The following ABCC5 variants were observed in gnomAD, a reference collection of about 807,000 sequenced individuals.
ABCC5 encodes ATP-binding cassette sub-family C member 5.
A neutral mutation model predicts 160.9 loss-of-function variants in ABCC5; 61 were observed. The observed-to-expected ratio is 0.38, with a 90% CI of 0.31 to 0.47. ABCC5 has a LOEUF of 0.47. ABCC5 is among the 20% of genes least tolerant of loss of function. The probability of loss-of-function intolerance (pLI) is 0.99; values close to 1 mark genes in which losing one functional copy is unlikely to be tolerated. For missense variants in ABCC5, 1,308 were observed against 1,813.3 expected, an observed-to-expected ratio of 0.72 and a Z score of 5.06; for synonymous variants, 666 against 700.6, an observed-to-expected ratio of 0.95 and a Z score of 0.78.
chr3:183,953,247 T>C lies in ABCC5; in HGVS notation c.2506A>G (p.Lys836Glu). ...GACCAGGGCACTGAACCCTGCCCTT[T>C]CTCTTCCAGCTGCACAAGCTGCCCT... ...EEGQLVQLEEKGQGSVPWSVY... is the reference protein window; with the variant it reads ...EEGQLVQLEEEGQGSVPWSVY... Residue 836 changes from lysine (K) to glutamate (E), a missense_variant, in exon 18 of 30, where the codon AAA becomes GAA. Lys to Glu is a moderately conservative substitution (Grantham distance 56). Around this residue, in one of 3 missense-constraint regions of ABCC5, gnomAD observed 1,142 missense variants for 1,527.1 expected, o/e 0.75. Coordinates refer to ENST00000334444, the MANE Select transcript of ABCC5 (RefSeq NM_005688.4). The C allele has an allele frequency of 1.2e-6, 2 of 1,610,438 alleles. No homozygotes were observed.
intron 26 of ABCC5, among the ~76,000 whole-genome samples, chr3:183,935,401 G>A (rs1163246042): frequency 6.8e-6 from 1 of 146,270 alleles, no homozygotes; most frequent in East Asian, 2.1e-4. Flanking sequence ...AGGCTGGTCT[G>A]GTACTCCTGA....
intron 5 of ABCC5, chr3:183,985,172 C>G: frequency 1.1e-6 from 1 of 889,656 alleles, no homozygotes; most frequent in Non-Finnish European, 1.7e-6. Context: ...CATGAAAAAT[C>G]CAACCAAAAT....
At chr3:184,011,742 C>G (rs1721762386) in intron 2 of ABCC5, among the ~76,000 whole-genome samples, 1 of 152,072 alleles carries the variant, frequency 6.6e-6, no homozygotes, top group African/African-American at 2.4e-5. Flanking sequence ...TATTGATGCA[C>G]ACAACAAAAT....
chr3:183,967,146 C>G (rs1460226542), intron 12 of ABCC5, among the ~76,000 whole-genome samples: 2 of 152,040 alleles, frequency 1.3e-5, no homozygotes, highest in East Asian at 3.9e-4. Context: ...GCTGTTCACT[C>G]CCTGCCTGGA....
intron 11 of ABCC5, 78 bp downstream of exon 11, chr3:183,971,485 A>C: frequency 7.3e-7 from 1 of 1,376,902 alleles, no homozygotes; most frequent in Non-Finnish European, 1.0e-6. Flanking sequence ...TGTGAAAAGG[A>C]ACAGCAGCCG....
intron 23 of ABCC5, among the ~76,000 whole-genome samples, chr3:183,946,848 G>C (rs1266069199): frequency 1.3e-5 from 2 of 152,040 alleles, no homozygotes; most frequent in Non-Finnish European, 2.9e-5. Flanking sequence ...ACTATTCTCT[G>C]AGCTATTTGA....
At chr3:183,957,870 A>T (rs1349981575) in intron 17 of ABCC5, among the ~76,000 whole-genome samples, 7 of 119,436 alleles carry the variant, frequency 5.9e-5, no homozygotes, top group African/African-American at 2.2e-4. Context: ...CATCTGTTAC[A>T]TGCGGATCCG....
intron 2 of ABCC5, among the ~76,000 whole-genome samples, chr3:183,996,103 G>A (rs146272630): frequency 5.9e-5 from 9 of 152,218 alleles, no homozygotes; most frequent in East Asian, 1.9e-4. Context: ...CACCGTGTCC[G>A]GCCAGAAGGG....
rs1281089292 is a variant in ABCC5, at chr3:183,921,553, AT to A, written c.4213-153del. On this transcript the variant is annotated intron_variant, in intron 29 of 29. Coordinates refer to ENST00000334444, the MANE Select transcript of ABCC5 (RefSeq NM_005688.4). The surrounding 1 kb of genome is among the most constrained non-coding windows in gnomAD (Gnocchi z 4.1). ...CGTGCACCTCCCCCCTTATTTTTTT[AT>A]TTTCAACTATCCAGGGAGTAAGGGA... 7 of 494,172 alleles carry A rather than the reference AT, an allele frequency of 1.4e-5. No homozygotes were observed. The South Asian group carries it at 2.5e-4, about 18-fold the overall frequency. 30.6% of individuals were successfully genotyped at this position (494,172 alleles called of 1,614,324 possible).
intron 2 of ABCC5, among the ~76,000 whole-genome samples, chr3:183,994,956 C>T (rs1279867537): frequency 6.6e-6 from 1 of 150,748 alleles, no homozygotes; most frequent in Non-Finnish European, 1.5e-5. Flanking sequence ...CTCCCAGGCT[C>T]AAGTGATCCT....
At chr3:183,952,078 C>G (rs1715412485) in intron 18 of ABCC5, 75 bp from the exon 19 acceptor site, 2 of 1,526,528 alleles carry the variant, frequency 1.3e-6, no homozygotes, top group Admixed American at 3.4e-5. Context: ...CCATTCTCAG[C>G]TCAAGGGCAG....
At chr3:183,989,801 C>CT (rs1719581768) in intron 2 of ABCC5, among the ~76,000 whole-genome samples, 1 of 151,956 alleles carries the variant, frequency 6.6e-6, no homozygotes, top group African/African-American at 2.4e-5. Context: ...AGGGTCCGCT[C>CT]TTTGTTTTTT....
At chr3:183,973,240 G>C (rs1464467642) in intron 10 of ABCC5, among the ~76,000 whole-genome samples, 2 of 151,002 alleles carry the variant, frequency 1.3e-5, no homozygotes, top group Non-Finnish European at 3.0e-5. Flanking sequence ...ATTTTTAGTA[G>C]AGACAGGGTT....
intron 2 of ABCC5, among the ~76,000 whole-genome samples, chr3:184,000,337 T>C (rs1720646719): frequency 6.6e-6 from 1 of 152,100 alleles, no homozygotes; most frequent in South Asian, 2.1e-4. Flanking sequence ...AGTGAGACCC[T>C]GTCTCTAAAT....
intron 26 of ABCC5, among the ~76,000 whole-genome samples, chr3:183,937,485 C>A (rs1207530406): frequency 1.3e-5 from 2 of 152,182 alleles, no homozygotes; most frequent in Non-Finnish European, 2.9e-5. Flanking sequence ...ACAGCAGCCA[C>A]CATTTGCTGA....
chr3:183,963,301 C>T lies in ABCC5; in HGVS notation c.2235+84G>A. On this transcript the variant is annotated intron_variant, in intron 15 of 29. Transcript: ENST00000334444. This position sits in a 1 kb window ranked among gnomAD's most constrained non-coding sequence, Gnocchi z 4.6. ...TGATTCCAGGAATTTCTAGTTATAA[C>T]ACAAGGATACCTGGAGCAAACCTAC... The T allele has an allele frequency of 7.7e-6, 11 of 1,427,830 alleles. No homozygotes were observed. The highest frequency in any genetic ancestry group is 2.3e-5 in the East Asian group (1 of 43,948). 88.4% of individuals were successfully genotyped at this position (1,427,830 alleles called of 1,614,324 possible).
chr3:183,927,773 T>A, intron 27 of ABCC5: 2 of 985,456 alleles, frequency 2.0e-6, no homozygotes, highest in South Asian at 9.4e-5. Context: ...AATAGTATAG[T>A]AAGGAAAAGT....
chr3:184,007,609 T>C (rs1721335541), intron 2 of ABCC5, among the ~76,000 whole-genome samples: 1 of 152,012 alleles, frequency 6.6e-6, no homozygotes, highest in Non-Finnish European at 1.5e-5. Context: ...AGGGATCACC[T>C]GAGGTCAGGA....
At chr3:184,015,092 GA>G (rs563156071) in intron 1 of ABCC5, among the ~76,000 whole-genome samples, 10 of 151,458 alleles carry the variant, frequency 6.6e-5, no homozygotes, top group African/African-American at 2.2e-4. Context: ...TGAATACATT[GA>G]AAAAAAACAC....
Sources: gnomAD v4.1 joint callset for allele counts (sites outside exome capture counted in the v4.1 genomes callset) on GRCh38, gnomAD v4.1.1 for gene constraint, gnomAD v4.1.1 regional missense constraint, Gnocchi (gnomAD v3.1) non-coding constraint, MANE v1.5 for transcripts, NCBI Gene and HGNC (gene_info 2026-07-23, HGNC 2026-07-21) for gene names.